Variants in DEPTOR observed in about 807,000 individuals in gnomAD.
DEPTOR encodes the protein DEP domain-containing mTOR-interacting protein.
A neutral mutation model predicts 41.6 loss-of-function variants in DEPTOR; 41 were observed. That is an observed-to-expected ratio of 0.98 (90% CI 0.77 to 1.28). The LOEUF is 1.28. DEPTOR is among the 50% of genes most tolerant of loss of function. The pLI, the probability that DEPTOR is intolerant of heterozygous loss-of-function variation, is 0.00. For synonymous variants in DEPTOR, 195 were observed against 192.3 expected, an observed-to-expected ratio of 1.01 and a Z score of -0.12; for missense variants, 514 against 527.9, an observed-to-expected ratio of 0.97 and a Z score of 0.26.
intron 1 of DEPTOR, among the ~76,000 whole-genome samples, chr8:119,896,932 T>C (rs1033360988): frequency 4.6e-5 from 7 of 152,198 alleles, no homozygotes; most frequent in Admixed American, 6.5e-5. Flanking sequence ...AAATATTTAT[T>C]AATAAAAGCT....
At chr8:119,971,230 C>CAAAA (rs36009381) in intron 4 of DEPTOR, among the ~76,000 whole-genome samples, 1 of 109,552 alleles carries the variant, frequency 9.1e-6, no homozygotes, top group Non-Finnish European at 1.9e-5. Flanking sequence ...GACTCCGTCT[C>CAAAA]AAAAAAAAAA....
chr8:119,971,215 A>G (rs1828629823), intron 4 of DEPTOR, among the ~76,000 whole-genome samples: 1 of 140,632 alleles, frequency 7.1e-6, no homozygotes. Context: ...TGGGCAACAG[A>G]GCGAGACTCC....
chr8:119,993,238 G>A (rs992696096), intron 4 of DEPTOR, among the ~76,000 whole-genome samples: 4 of 152,282 alleles, frequency 2.6e-5, no homozygotes, highest in Non-Finnish European at 4.4e-5. Flanking sequence ...TAAACCTAAC[G>A]GTGTATAGGG....
intron 3 of DEPTOR, among the ~76,000 whole-genome samples, chr8:119,959,758 T>C (rs770455304): frequency 3.3e-4 from 50 of 151,964 alleles, no homozygotes; most frequent in Non-Finnish European, 6.3e-4. Context: ...CTTAAACTCA[T>C]GACCTCAAGT....
intron 1 of DEPTOR, among the ~76,000 whole-genome samples, chr8:119,878,573 C>T (rs1447279483): frequency 6.6e-6 from 1 of 151,744 alleles, no homozygotes; most frequent in Non-Finnish European, 1.5e-5. Flanking sequence ...GTGATCCGCC[C>T]GCCTCGGCCT....
chr8:119,943,495 G>C (rs2129902992), intron 3 of DEPTOR, among the ~76,000 whole-genome samples: 1 of 152,254 alleles, frequency 6.6e-6, no homozygotes. Context: ...CACGAGAACA[G>C]CATGGGGGAA....
At chr8:119,908,677 T>C (rs868334107) in intron 1 of DEPTOR, among the ~76,000 whole-genome samples, 9 of 152,136 alleles carry the variant, frequency 5.9e-5, no homozygotes, top group South Asian at 2.1e-4. Flanking sequence ...ATTTTTGTAT[T>C]TTTAGTAGAG....
chr8:119,873,819 C>T lies in DEPTOR; in HGVS notation c.-28C>T. On this transcript the variant is annotated 5_prime_UTR_variant, in exon 1 of 9. Coordinates refer to ENST00000286234, the MANE Select transcript of DEPTOR (RefSeq NM_022783.4). ...CCCAAACCCTCGGCGGACAGCGGAG[C>T]CAGTGGTAGCCGCACGGCCCTAAAA... 6.2e-7 allele frequency: 1 copy of T among 1,607,688 alleles called. No homozygotes were observed. Among genetic ancestry groups the T allele is most frequent in the Middle Eastern group, 1.8e-4 (1 of 5,650 alleles).
At chr8:119,960,224 A>G (rs548211824) in intron 3 of DEPTOR, among the ~76,000 whole-genome samples, 48 of 145,476 alleles carry the variant, frequency 3.3e-4, no homozygotes, top group Non-Finnish European at 6.5e-4. Context: ...ACTCCCTCTC[A>G]AAAAAAAAAA....
chr8:119,950,105 T>G (rs960723933), intron 3 of DEPTOR, among the ~76,000 whole-genome samples: 13 of 152,230 alleles, frequency 8.5e-5, no homozygotes, highest in African/African-American at 3.1e-4. Flanking sequence ...ACTATCTAAC[T>G]GTCCCTGCAC....
At chr8:120,043,560 G>C (rs886555819) in intron 8 of DEPTOR, among the ~76,000 whole-genome samples, 2 of 152,164 alleles carry the variant, frequency 1.3e-5, no homozygotes, top group South Asian at 2.1e-4. Flanking sequence ...CCACTATTCT[G>C]TGCATGCCTG....
rs770571502 is a variant in DEPTOR at position 119,929,772 on chromosome 8, GA to G, written c.302-42del. On this transcript the variant is annotated intron_variant, in intron 2 of 8. Transcript: ENST00000286234. ...TTCGCTTGAGTAATTAAATAAGAGC[GA>G]TTTTTTTTCTCATTTGCTTCTCTGT... 1.9e-6 allele frequency: 3 copies of G among 1,562,086 alleles called. No homozygotes were observed. In the East Asian group the frequency reaches 6.8e-5, roughly 36 times the overall value.
intron 8 of DEPTOR, among the ~76,000 whole-genome samples, chr8:120,017,479 T>C (rs1228795747): frequency 6.6e-6 from 1 of 152,224 alleles, no homozygotes; most frequent in African/African-American, 2.4e-5. Context: ...CATAGATGCG[T>C]GACCTTTCGT....
At chr8:119,953,956 C>G (rs957277922) in intron 3 of DEPTOR, among the ~76,000 whole-genome samples, 1 of 151,858 alleles carries the variant, frequency 6.6e-6, no homozygotes, top group Non-Finnish European at 1.5e-5. Flanking sequence ...AGGTGCCCAC[C>G]ACCACGCCCG....
At chr8:119,919,420 A>AC (rs1827862955) in intron 1 of DEPTOR, among the ~76,000 whole-genome samples, 1 of 152,064 alleles carries the variant, frequency 6.6e-6, no homozygotes, top group Admixed American at 6.6e-5. Context: ...GAGAAAAGAG[A>AC]CTTTTAATTT....
At chr8:119,980,676 G>C (rs1038447176) in intron 4 of DEPTOR, among the ~76,000 whole-genome samples, 4 of 151,658 alleles carry the variant, frequency 2.6e-5, no homozygotes, top group African/African-American at 9.7e-5. Flanking sequence ...TGCCACCACA[G>C]CCTGCTAATT....
chr8:119,937,137 C>G (rs1828123602), intron 3 of DEPTOR, among the ~76,000 whole-genome samples: 1 of 152,184 alleles, frequency 6.6e-6, no homozygotes, highest in Non-Finnish European at 1.5e-5. Flanking sequence ...TGGCCGGGCT[C>G]ACGCCTATAA....
chr8:119,878,582 C>A (rs534157878), intron 1 of DEPTOR, among the ~76,000 whole-genome samples: 5 of 152,026 alleles, frequency 3.3e-5, no homozygotes, highest in Admixed American at 1.3e-4. Context: ...CCGCCTCGGC[C>A]TCCCAAAGTG....
At chr8:119,941,633 G>A (rs7005380) in intron 3 of DEPTOR, among the ~76,000 whole-genome samples, 50,933 of 151,892 alleles carry the variant, frequency 0.34, 9,091 homozygotes, top group South Asian at 0.56. Context: ...TAATGATGAA[G>A]GCAGCAAACC....
Sources: gnomAD v4.1 joint callset for allele counts (sites outside exome capture counted in the v4.1 genomes callset) on GRCh38, gnomAD v4.1.1 for gene constraint, MANE v1.5 for transcripts, NCBI Gene and HGNC (gene_info 2026-07-23, HGNC 2026-07-21) for gene names.